SLC12A2: variants seen among roughly 807,000 people sequenced by gnomAD.
The protein encoded by SLC12A2 is Na-K-2Cl cotransporter 1.
Under a neutral mutation model 136.3 loss-of-function variants are expected in SLC12A2, and 67 were observed. The ratio of observed to expected loss-of-function variants is 0.49; its 90% CI spans 0.40 to 0.60. SLC12A2 has a LOEUF of 0.60. Ranked by LOEUF, SLC12A2 falls within the 20% of genes least tolerant of loss-of-function variation. The pLI is 0.00. For synonymous variants in SLC12A2, 619 were observed against 562.9 expected (o/e 1.10, Z -1.41); for missense variants, 1,322 against 1,534.7 (o/e 0.86, Z 2.32).
At chr5:128,131,513 G>A (rs1762022048) in intron 5 of SLC12A2, among the ~76,000 whole-genome samples, 1 of 148,422 alleles carries the variant, frequency 6.7e-6, no homozygotes, top group South Asian at 2.1e-4. Context: ...CCAACATGGT[G>A]AAACCCCATC....
At position 128,131,159 on chromosome 5, in the gene SLC12A2, G is replaced by A. The variant is rs1183679923; in HGVS notation, c.1141G>A (p.Ala381Thr). 1.2e-6 allele frequency: 2 copies of A among 1,614,160 alleles called. No homozygotes were observed. The highest frequency in any genetic ancestry group is 1.1e-5 in the South Asian group (1 of 91,080). ...IFAFANAVAV[A>T]MYVVGFAETV... ...CGCCTTTGCCAACGCTGTTGCAGTTGCTATGTATGTGGTTGGATTTGCAGA... is the reference window on the plus strand; with the variant it reads ...CGCCTTTGCCAACGCTGTTGCAGTTACTATGTATGTGGTTGGATTTGCAGA... Residue 381 changes from alanine to threonine, a missense_variant, in exon 5 of 27, where the codon GCT (alanine) becomes ACT (threonine). Ala to Thr is a moderately conservative substitution (Grantham distance 58, BLOSUM62 0). This residue lies in a region of SLC12A2 where 71 missense variants were observed against 131.0 expected (regional missense o/e 0.54). Coordinates refer to ENST00000262461, the MANE Select transcript of SLC12A2 (RefSeq NM_001046.3).
chr5:128,085,805 G>A (rs1166076435), intron 1 of SLC12A2, among the ~76,000 whole-genome samples: 3 of 152,164 alleles, frequency 2.0e-5, no homozygotes, highest in African/African-American at 7.2e-5. Flanking sequence ...ACTTGTCCCA[G>A]TGTTTGATAA....
Position 128,182,862 on chromosome 5 carries a change from A to G in SLC12A2, c.3220A>G (p.Thr1074Ala), listed in dbSNP as rs1763748696. ...TATTTATTTTTGTTGTAGGATGGCT[A>G]CTTTGCTTAGCAAGTTCCGGATAGA... The part of the protein sequence containing the change: ...RIDHDRRAMA[T>A]LLSKFRIDFS... The change falls in exon 24 of 27, where the codon ACT (threonine) becomes GCT (alanine). Residue 1074 changes from threonine to alanine, a missense_variant. Transcript: ENST00000262461. The G allele has an allele frequency of 3.7e-6, 6 of 1,609,030 alleles. No homozygotes were observed. In the South Asian group the frequency reaches 6.6e-5, roughly 18 times the overall value.
rs1559263 is a variant in SLC12A2 at position 128,177,181 on chromosome 5, A to C, written c.2977+29A>C. On this transcript the variant is annotated intron_variant, in intron 21 of 26. Coordinates refer to ENST00000262461, the MANE Select transcript of SLC12A2 (RefSeq NM_001046.3). The stretch of plus-strand genomic sequence containing the variant: ...GGCATTTTTCATCATTTTATTTTAA[A>C]CCCTTTTTCATACTGTAAACTCTTT... 0.23 allele frequency: 361,260 copies of C among 1,544,946 alleles called. 46,170 individuals carry two copies. Among genetic ancestry groups the C allele is most frequent in the African/African-American group, 0.48 (34,257 of 71,622 alleles).
At chr5:128,153,232 T>C (rs547751469) in intron 15 of SLC12A2, among the ~76,000 whole-genome samples, 1 of 152,238 alleles carries the variant, frequency 6.6e-6, no homozygotes, top group Non-Finnish European at 1.5e-5. Flanking sequence ...TTTATTACTA[T>C]TTTCCTCAAT....
chr5:128,086,148 G>A (rs1760092400), intron 1 of SLC12A2, among the ~76,000 whole-genome samples: 2 of 152,198 alleles, frequency 1.3e-5, no homozygotes, highest in African/African-American at 4.8e-5. Flanking sequence ...TATGTGAGCA[G>A]TAAAGTGATC....
intron 16 of SLC12A2, 39 bp downstream of exon 16, chr5:128,158,203 T>A (rs750586011): frequency 5.4e-6 from 8 of 1,472,482 alleles, no homozygotes; most frequent in African/African-American, 1.4e-5. Context: ...AGTTTTTTTT[T>A]AAAGTTTTAT....
rs1761201990 is a variant in SLC12A2, at chr5:128,112,810, C to T, written c.757-4C>T. The T allele has an allele frequency of 6.3e-7, 1 of 1,599,654 alleles. No individual in the cohort carries two copies. Among genetic ancestry groups the T allele is most frequent in the Non-Finnish European group, 8.5e-7 (1 of 1,173,590 alleles). ...GCATAATTCATATTTCTTTTTATAACCAGGAACCTTTTGAGGATGGCTTTG... is the reference window on the plus strand; with the variant it reads ...GCATAATTCATATTTCTTTTTATAATCAGGAACCTTTTGAGGATGGCTTTG... On this transcript the variant is annotated splice_region_variant and splice_polypyrimidine_tract_variant and intron_variant, in intron 1 of 26. Transcript: ENST00000262461.
intron 13 of SLC12A2, 138 bp from the exon 14 acceptor site, chr5:128,151,103 C>T (rs1762684931): frequency 1.7e-6 from 1 of 604,762 alleles, no homozygotes; most frequent in Admixed American, 3.3e-5. Flanking sequence ...CTTTACTATT[C>T]AATATTAGAC....
At chr5:128,159,404 G>A (rs1418164068) in intron 16 of SLC12A2, among the ~76,000 whole-genome samples, 1 of 152,128 alleles carries the variant, frequency 6.6e-6, no homozygotes, top group Non-Finnish European at 1.5e-5. Flanking sequence ...ATTGATAAAT[G>A]GGATCTAACT....
intron 4 of SLC12A2, 107 bp downstream of exon 4, chr5:128,114,788 TCTATATAGACAAGAAAGTTGCTAC>T: frequency 1.4e-6 from 1 of 697,198 alleles, no homozygotes; most frequent in South Asian, 1.9e-5. Flanking sequence ...ACATATTAAG[TCTATATAGACAAGAAAGTTGCTAC>T]CGAGCACTTC....
chr5:128,159,002 C>CT (rs923477059), intron 16 of SLC12A2, among the ~76,000 whole-genome samples: 89 of 143,066 alleles, frequency 6.2e-4, no homozygotes, highest in African/African-American at 9.5e-4. Context: ...GACAAGCCAA[C>CT]TTTTTTTTTT....
intron 12 of SLC12A2, among the ~76,000 whole-genome samples, chr5:128,149,741 A>G (rs1392242596): frequency 6.6e-6 from 1 of 151,922 alleles, no homozygotes; most frequent in African/African-American, 2.4e-5. Flanking sequence ...ATAAAACTAT[A>G]TAATATGACT....
At chr5:128,159,627 C>A (rs1283966534) in intron 16 of SLC12A2, among the ~76,000 whole-genome samples, 1 of 152,050 alleles carries the variant, frequency 6.6e-6, no homozygotes, top group Non-Finnish European at 1.5e-5. Context: ...GGTCAACAAA[C>A]ATATGAAAAA....
At chr5:128,180,830 C>G (rs1407093954) in intron 22 of SLC12A2, 53 bp from the exon 23 acceptor site, 1 of 1,036,714 alleles carries the variant, frequency 9.6e-7, no homozygotes, top group African/African-American at 1.6e-5. Flanking sequence ...ATTGATGTTC[C>G]TGATTAAGAA....
At chr5:128,153,827 C>G (rs890334972) in intron 15 of SLC12A2, among the ~76,000 whole-genome samples, 1 of 152,046 alleles carries the variant, frequency 6.6e-6, no homozygotes, top group African/African-American at 2.4e-5. Flanking sequence ...TCCCCCCTTC[C>G]TTTTTGCTAG....
chr5:128,114,617 T>G lies in SLC12A2; in HGVS notation c.984T>G (p.Thr328=). Residue 328 remains threonine, a synonymous_variant, in exon 4 of 27, where the codon ACT becomes ACG. Coordinates refer to ENST00000262461, the MANE Select transcript of SLC12A2 (RefSeq NM_001046.3). The part of the protein sequence containing the change: ...GLSVLVIMMA[T]VVTTITGLST... ...CAGTCCTTGTAATAATGATGGCCAC[T>G]GTTGTGACAACTATCACAGGATTGT... The G allele has an allele frequency of 3.1e-6, 5 of 1,612,422 alleles. No individual in the cohort carries two copies. Among genetic ancestry groups the G allele is most frequent in the Non-Finnish European group, 3.4e-6 (4 of 1,178,608 alleles).
At chr5:128,122,567 G>A (rs1169420451) in intron 4 of SLC12A2, among the ~76,000 whole-genome samples, 1 of 152,054 alleles carries the variant, frequency 6.6e-6, no homozygotes, top group Non-Finnish European at 1.5e-5. Context: ...GATTCTGCTT[G>A]TGAATTTTTA....
At chr5:128,109,317 G>A (rs1272169827) in intron 1 of SLC12A2, among the ~76,000 whole-genome samples, 1 of 152,226 alleles carries the variant, frequency 6.6e-6, no homozygotes, top group Non-Finnish European at 1.5e-5. Flanking sequence ...TTGTCCTGGG[G>A]CGGCGGAAAC....
Sources: allele counts gnomAD v4.1 joint callset (sites outside exome capture counted in the v4.1 genomes callset), GRCh38; gene constraint gnomAD v4.1.1; regional missense constraint gnomAD v4.1.1; transcripts MANE v1.5; gene names NCBI Gene and HGNC (gene_info 2026-07-23, HGNC 2026-07-21).